Variants in NHSL3 observed in about 807,000 individuals in gnomAD.
The protein encoded by NHSL3 is NHS like 3.
chr1:32,741,942 GC>G, the NHSL3 span: 7 of 827,778 alleles, frequency 8.5e-6, no homozygotes, highest in South Asian at 5.4e-5. The surrounding 1 kb of genome is among the most constrained non-coding windows in gnomAD (Gnocchi z 4.3). Context: ...CGCCCGCTCC[GC>G]CCCCGCCTGC....
the NHSL3 span, among the ~76,000 whole-genome samples, chr1:32,751,100 C>T: frequency 8.8e-4 from 134 of 152,274 alleles, no homozygotes; most frequent in African/African-American, 3.1e-3. Context: ...CATGAGCCAC[C>T]GTGCCTGGCC....
the NHSL3 span, among the ~76,000 whole-genome samples, chr1:32,758,679 C>T: frequency 6.6e-6 from 1 of 152,108 alleles, no homozygotes; most frequent in Non-Finnish European, 1.5e-5. Context: ...GCACTGACCC[C>T]CCTTCCTTCT....
chr1:32,742,503 G>C, the NHSL3 span, among the ~76,000 whole-genome samples: 2 of 152,226 alleles, frequency 1.3e-5, no homozygotes, highest in Non-Finnish European at 2.9e-5. Flanking sequence ...GCTCACCGAG[G>C]TTCTGCCCTC....
the NHSL3 span, chr1:32,771,761 T>G: frequency 1.2e-6 from 2 of 1,613,758 alleles, no homozygotes; most frequent in South Asian, 1.1e-5. Flanking sequence ...AAGGAACCGG[T>G]GGGCTGTAGC....
At chr1:32,764,036 T>A in the NHSL3 span, among the ~76,000 whole-genome samples, 1 of 151,462 alleles carries the variant, frequency 6.6e-6, no homozygotes, top group Non-Finnish European at 1.5e-5. Flanking sequence ...ATTTTCAAAG[T>A]TTTTTGTAGA....
At chr1:32,750,323 C>T in the NHSL3 span, among the ~76,000 whole-genome samples, 1 of 152,160 alleles carries the variant, frequency 6.6e-6, no homozygotes, top group African/African-American at 2.4e-5. Context: ...GGGTGCCCAT[C>T]TCTGTGCTTG....
chr1:32,744,608 G>A, the NHSL3 span, among the ~76,000 whole-genome samples: 2 of 152,124 alleles, frequency 1.3e-5, no homozygotes, highest in Non-Finnish European at 2.9e-5. Context: ...AGAAGTGAGG[G>A]AACTTGATAG....
the NHSL3 span, among the ~76,000 whole-genome samples, chr1:32,756,963 C>G: frequency 6.6e-6 from 1 of 152,154 alleles, no homozygotes; most frequent in Admixed American, 6.5e-5. Context: ...GAACTCGACT[C>G]CATTTCAAAA....
chr1:32,754,326 C>A, the NHSL3 span: 4 of 571,972 alleles, frequency 7.0e-6, no homozygotes, highest in Non-Finnish European at 1.3e-5. Flanking sequence ...CTCACAGGCA[C>A]ACGGAGACAC....
At chr1:32,743,453 T>C in the NHSL3 span, among the ~76,000 whole-genome samples, 1 of 152,176 alleles carries the variant, frequency 6.6e-6, no homozygotes, top group African/African-American at 2.4e-5. Flanking sequence ...GGCCAAACCC[T>C]GAGGGAGGAC....
the NHSL3 span, chr1:32,770,092 T>G: frequency 6.4e-7 from 1 of 1,556,172 alleles, no homozygotes; most frequent in African/African-American, 1.4e-5. This position sits in a 1 kb window ranked among gnomAD's most constrained non-coding sequence, Gnocchi z 8.3. Flanking sequence ...GGATGACACC[T>G]TTGTTGGCCG....
the NHSL3 span, among the ~76,000 whole-genome samples, chr1:32,752,932 CACACACACACACACACACATATATAT>C: frequency 0.29 from 4,340 of 14,978 alleles, 177 homozygotes; most frequent in Non-Finnish European, 0.37. Context: ...CACACACACA[CACACACACACACACACACATATATAT>C]ATATATATAT....
the NHSL3 span, chr1:32,770,019 G>A: frequency 1.5e-5 from 24 of 1,595,916 alleles, no homozygotes; most frequent in South Asian, 2.3e-5. The surrounding 1 kb of genome is among the most constrained non-coding windows in gnomAD (Gnocchi z 8.3). Context: ...CGCTGGAGGC[G>A]GAGGCGGAGG....
the NHSL3 span, chr1:32,772,066 C>T: frequency 3.1e-6 from 5 of 1,612,296 alleles, no homozygotes; most frequent in Non-Finnish European, 4.2e-6. Flanking sequence ...GCCACGGCCT[C>T]CCCAGTCCCC....
chr1:32,769,655 C>A, the NHSL3 span: 3 of 1,594,092 alleles, frequency 1.9e-6, no homozygotes, highest in African/African-American at 2.7e-5. Flanking sequence ...CAGTTTTTCT[C>A]CCACGACTGG....
the NHSL3 span, chr1:32,742,132 G>A: frequency 2.4e-6 from 3 of 1,244,608 alleles, no homozygotes; most frequent in South Asian, 3.3e-5. Context: ...CGAACCGGCC[G>A]CCCCCCGGGC....
the NHSL3 span, among the ~76,000 whole-genome samples, chr1:32,751,518 T>C: frequency 6.6e-6 from 1 of 152,118 alleles, no homozygotes; most frequent in Non-Finnish European, 1.5e-5. Flanking sequence ...CTAAAACTAT[T>C]GTCTGAAGGC....
the NHSL3 span, among the ~76,000 whole-genome samples, chr1:32,747,677 A>G: frequency 6.6e-6 from 1 of 151,212 alleles, no homozygotes; most frequent in African/African-American, 2.4e-5. Flanking sequence ...AAGGGGAGTA[A>G]GGTGGCTGGG....
At chr1:32,772,391 G>A in the NHSL3 span, 1 of 1,562,538 alleles carries the variant, frequency 6.4e-7, no homozygotes, top group Non-Finnish European at 8.7e-7. Context: ...GAGAATGGAG[G>A]TGTCCTGCAG....
Sources: gnomAD v4.1 joint callset for allele counts (sites outside exome capture counted in the v4.1 genomes callset) on GRCh38, gnomAD v4.1.1 for gene constraint, Gnocchi (gnomAD v3.1) non-coding constraint, MANE v1.5 for transcripts, NCBI Gene and HGNC (gene_info 2026-07-23, HGNC 2026-07-21) for gene names.